The following PTPRK variants were observed in gnomAD, a reference collection of about 807,000 sequenced individuals.
PTPRK encodes receptor-type tyrosine-protein phosphatase kappa.
Under a neutral mutation model 178.0 loss-of-function variants are expected in PTPRK, and 75 were observed. The ratio of observed to expected loss-of-function variants is 0.42; its 90% CI spans 0.35 to 0.51. PTPRK has a LOEUF of 0.51. PTPRK is among the 20% of genes least tolerant of loss of function. PTPRK has a pLI of 0.02. For synonymous variants in PTPRK, 637 were observed against 620.6 expected (o/e 1.03, Z -0.39); for missense variants, 1,441 against 1,797.8 (o/e 0.80, Z 3.59).
chr6:128,093,183 G>T lies in PTPRK; in HGVS notation c.1163-3191C>A, dbSNP rs181258228. ...TTTTCTTTTTTCAAATCTTTATTGG[G>T]TATTCCATATATTGTAATTTTATAT... On this transcript the variant is annotated intron_variant, in intron 7 of 29. Coordinates refer to ENST00000368226, the MANE Select transcript of PTPRK (RefSeq NM_002844.4). Among the ~76,000 whole-genome samples the T allele has an allele frequency of 3.5e-3, 536 of 152,118 alleles. 5 individuals carry two copies. The highest frequency in any genetic ancestry group is 0.012 in the African/African-American group (518 of 41,490).
intron 3 of PTPRK, among the ~76,000 whole-genome samples, chr6:128,281,025 G>T (rs1238432698): frequency 1.3e-5 from 2 of 152,130 alleles, no homozygotes; most frequent in Non-Finnish European, 2.9e-5. Flanking sequence ...CCTTTAAGAA[G>T]ATTATAGAAG....
chr6:128,502,168 C>A (rs765995289), intron 1 of PTPRK, among the ~76,000 whole-genome samples: 2 of 152,162 alleles, frequency 1.3e-5, no homozygotes, highest in African/African-American at 2.4e-5. Flanking sequence ...GTCCATAGTT[C>A]AAAGACATTG....
chr6:128,018,819 T>A (rs1336994645), intron 13 of PTPRK, among the ~76,000 whole-genome samples: 3 of 152,104 alleles, frequency 2.0e-5, no homozygotes, highest in African/African-American at 7.2e-5. Context: ...GGAAGTCTAC[T>A]TTCTAAAAAA....
chr6:128,459,939 G>A (rs540615470), intron 1 of PTPRK, among the ~76,000 whole-genome samples: 16 of 152,236 alleles, frequency 1.1e-4, no homozygotes, highest in Middle Eastern at 3.4e-3. Context: ...GGGGAGCACA[G>A]CATCTCACAT....
intron 7 of PTPRK, among the ~76,000 whole-genome samples, chr6:128,144,476 C>T (rs745566196): frequency 2.6e-5 from 4 of 152,136 alleles, no homozygotes; most frequent in Non-Finnish European, 5.9e-5. Context: ...ACATTCCTCC[C>T]CCAGAGAGTC....
intron 1 of PTPRK, among the ~76,000 whole-genome samples, chr6:128,401,573 A>C (rs1293232516): frequency 4.6e-5 from 7 of 152,206 alleles, no homozygotes; most frequent in Non-Finnish European, 8.8e-5. Context: ...GTCGTAGATC[A>C]CTGGAGAGCC....
chr6:128,422,002 G>A (rs1364053812), intron 1 of PTPRK, among the ~76,000 whole-genome samples: 1 of 152,204 alleles, frequency 6.6e-6, no homozygotes, highest in African/African-American at 2.4e-5. Context: ...GGCCTGGCCA[G>A]CAACCAGGAG....
At chr6:128,295,229 T>C (rs971059340) in intron 3 of PTPRK, among the ~76,000 whole-genome samples, 1 of 152,144 alleles carries the variant, frequency 6.6e-6, no homozygotes, top group Non-Finnish European at 1.5e-5. Flanking sequence ...TCTTCTCTTT[T>C]CTACCCTTCC....
intron 7 of PTPRK, among the ~76,000 whole-genome samples, chr6:128,134,939 A>C (rs907448327): frequency 2.6e-5 from 4 of 152,184 alleles, no homozygotes; most frequent in African/African-American, 9.7e-5. Flanking sequence ...TCCCTAGTAG[A>C]GGAAGAAATC....
Position 127,998,678 on chromosome 6 carries a change from T to C in PTPRK, c.2679+42A>G, listed in dbSNP as rs1777461995. 7 of 1,476,806 alleles carry C rather than the reference T, an allele frequency of 4.7e-6. No individual in the cohort carries two copies. In the South Asian group the frequency reaches 6.9e-5, roughly 14 times the overall value. 91.5% of individuals were successfully genotyped at this position (1,476,806 alleles called of 1,614,324 possible). A position where few individuals can be genotyped will look rare whatever the true frequency, so the allele number is the denominator to read the frequency against. On this transcript the variant is annotated intron_variant, in intron 16 of 29. Transcript: ENST00000368226. ...AAATGCTAAATTCCACTGAGTATCA[T>C]AGTTAAAAATCAAATTCAATACAGT...
intron 2 of PTPRK, among the ~76,000 whole-genome samples, chr6:128,364,561 CT>C (rs979785725): frequency 9.9e-5 from 15 of 152,096 alleles, no homozygotes; most frequent in African/African-American, 3.4e-4. Context: ...AAGCAGAGGC[CT>C]TAATAAGGCA....
At chr6:128,268,607 C>G (rs940599927) in intron 3 of PTPRK, among the ~76,000 whole-genome samples, 8 of 151,934 alleles carry the variant, frequency 5.3e-5, no homozygotes, top group Admixed American at 3.3e-4. Context: ...AGTCATTATT[C>G]TGTAATAATC....
rs1319350494 is a variant in PTPRK at position 128,014,202 on chromosome 6, G to T, written c.2195-4934C>A. Among the ~76,000 whole-genome samples the T allele has an allele frequency of 1.3e-5, 2 of 151,592 alleles. 1 individual carries two copies. The highest frequency in any genetic ancestry group is 4.1e-4 in the South Asian group (2 of 4,830). On this transcript the variant is annotated intron_variant, in intron 13 of 29. Coordinates refer to ENST00000368226, the MANE Select transcript of PTPRK (RefSeq NM_002844.4). Reference sequence around the variant, plus strand: ...ACTGTTGTGGACATTAACATAAGATGAACTTGATAACAAACATTTCTGAGT... The same window carrying T: ...ACTGTTGTGGACATTAACATAAGATTAACTTGATAACAAACATTTCTGAGT...
chr6:128,025,674 A>G (rs1774186908), intron 13 of PTPRK, among the ~76,000 whole-genome samples: 1 of 152,194 alleles, frequency 6.6e-6, no homozygotes, highest in Admixed American at 6.5e-5. Context: ...AGGTGTCAGT[A>G]GGGTTACCCT....
intron 7 of PTPRK, among the ~76,000 whole-genome samples, chr6:128,140,042 C>T (rs1795553143): frequency 6.6e-6 from 1 of 152,014 alleles, no homozygotes; most frequent in African/African-American, 2.4e-5. Flanking sequence ...GTTTTCCCAT[C>T]TCCTGTATAA....
rs113738042 is a variant in PTPRK, at chr6:128,320,876, A to T, written c.495+1163T>A. Among the ~76,000 whole-genome samples the T allele has an allele frequency of 8.0e-3, 1,220 of 152,232 alleles. 20 individuals are homozygous for T. Among genetic ancestry groups the T allele is most frequent in the African/African-American group, 0.028 (1,159 of 41,548 alleles). Reference sequence around the variant, plus strand: ...AAAAGCAGATGGCTCTCTCTGACTGAAGAGAAATATCCTTATGCTCCGGAA... The same window carrying T: ...AAAAGCAGATGGCTCTCTCTGACTGTAGAGAAATATCCTTATGCTCCGGAA... On this transcript the variant is annotated intron_variant, in intron 3 of 29. Coordinates refer to ENST00000368226, the MANE Select transcript of PTPRK (RefSeq NM_002844.4).
rs998975089 is a variant in PTPRK at position 127,976,599 on chromosome 6, C to T, written c.3969+58G>A. 3.1e-6 allele frequency: 5 copies of T among 1,593,152 alleles called. No individual in the cohort carries two copies. The African/African-American group carries it at 5.4e-5, about 17-fold the overall frequency. On this transcript the variant is annotated intron_variant, in intron 27 of 29. Transcript: ENST00000368226. ...CTGTTGTCTGAATAAAATTATACCACATCTTGGTTATGACTGACCTATTCT... is the reference window on the plus strand; with the variant it reads ...CTGTTGTCTGAATAAAATTATACCATATCTTGGTTATGACTGACCTATTCT...
chr6:128,002,010 G>A (rs927932785), intron 15 of PTPRK, among the ~76,000 whole-genome samples: 1 of 151,808 alleles, frequency 6.6e-6, no homozygotes, highest in African/African-American at 2.4e-5. Context: ...ACTCCCTGGG[G>A]CAAATCCCCA....
intron 2 of PTPRK, among the ~76,000 whole-genome samples, chr6:128,391,127 A>T (rs898119806): frequency 1.3e-5 from 2 of 152,036 alleles, no homozygotes; most frequent in Admixed American, 6.6e-5. Context: ...TTATTTTTTT[A>T]AAAAAGAATT....
Sources: gnomAD v4.1 joint callset for allele counts (sites outside exome capture counted in the v4.1 genomes callset) on GRCh38, gnomAD v4.1.1 for gene constraint, MANE v1.5 for transcripts, NCBI Gene and HGNC (gene_info 2026-07-23, HGNC 2026-07-21) for gene names.